The following RAB32 variants were observed in gnomAD, a reference collection of about 807,000 sequenced individuals.
The protein encoded by RAB32 is ras-related protein Rab-32.
RAB32 carries 17 observed loss-of-function variants against 17.5 expected under a neutral mutation model. The ratio of observed to expected loss-of-function variants is 0.97; its 90% CI spans 0.67 to 1.46. The LOEUF (loss-of-function observed/expected upper bound fraction) is 1.46, where lower values mean the gene tolerates loss of function less well. RAB32 is among the 40% of genes most tolerant of loss of function. RAB32 has a pLI of 0.00. For synonymous variants in RAB32, 115 were observed against 111.1 expected, an observed-to-expected ratio of 1.04 and a Z score of -0.22; for missense variants, 288 against 284.3, an observed-to-expected ratio of 1.01 and a Z score of -0.09.
chr6:146,548,837 A>G (rs989281332), intron 1 of RAB32, among the ~76,000 whole-genome samples: 1 of 152,246 alleles, frequency 6.6e-6, no homozygotes, highest in African/African-American at 2.4e-5. Context: ...GTACAATGAC[A>G]TTTGAAGAAC....
chr6:146,549,798 A>G (rs899532232), intron 2 of RAB32, 57 bp downstream of exon 2: 275 of 1,539,278 alleles, frequency 1.8e-4, no homozygotes, highest in Non-Finnish European at 2.2e-4. Flanking sequence ...TCTGAGCTGT[A>G]AATGTAAAGT....
At chr6:146,549,371 C>A in intron 1 of RAB32, 93 bp from the exon 2 acceptor site, 1 of 985,886 alleles carries the variant, frequency 1.0e-6, no homozygotes, top group Non-Finnish European at 1.5e-6. Flanking sequence ...GACATTTGTT[C>A]ATAGTGTTGC....
intron 2 of RAB32, among the ~76,000 whole-genome samples, chr6:146,553,508 C>T (rs570777472): frequency 6.6e-6 from 1 of 152,186 alleles, no homozygotes; most frequent in Non-Finnish European, 1.5e-5. Context: ...GGCCAGTGCT[C>T]TCTGAGAGTG....
intron 2 of RAB32, among the ~76,000 whole-genome samples, chr6:146,553,591 T>C (rs1779923148): frequency 6.6e-6 from 1 of 152,126 alleles, no homozygotes; most frequent in South Asian, 2.1e-4. Context: ...AACAGTGAAA[T>C]ATAGCTTATG....
At chr6:146,551,711 A>T (rs1779901278) in intron 2 of RAB32, among the ~76,000 whole-genome samples, 1 of 152,174 alleles carries the variant, frequency 6.6e-6, no homozygotes, top group African/African-American at 2.4e-5. Flanking sequence ...TCAGATAGTA[A>T]ATCCAGATTT....
At chr6:146,548,107 A>G (rs1779846270) in intron 1 of RAB32, among the ~76,000 whole-genome samples, 2 of 152,200 alleles carry the variant, frequency 1.3e-5, no homozygotes, top group Admixed American at 1.3e-4. Flanking sequence ...TTATGAGCCA[A>G]TGAACTATAT....
At position 146,547,646 on chromosome 6, in the gene RAB32, CT is replaced by C. The variant is rs1158175178; in HGVS notation, c.251-1810del. Among the ~76,000 whole-genome samples, 7 of 143,584 alleles carry C rather than the reference CT, an allele frequency of 4.9e-5. No homozygotes were observed. The South Asian group carries it at 6.7e-4, about 14-fold the overall frequency. 94.2% of individuals were successfully genotyped at this position (143,584 alleles called of 152,430 possible). A position where few individuals can be genotyped will look rare whatever the true frequency, so the allele number is the denominator to read the frequency against. On this transcript the variant is annotated intron_variant, in intron 1 of 2. Coordinates refer to ENST00000367495, the MANE Select transcript of RAB32 (RefSeq NM_006834.5). The stretch of plus-strand genomic sequence containing the variant: ...AGTATACCTAGTAATATCCCTTTGT[CT>C]TTTTTTTCACAACTCTCCTATCATC...
intron 2 of RAB32, among the ~76,000 whole-genome samples, chr6:146,551,379 C>T (rs1322152973): frequency 6.6e-6 from 1 of 152,100 alleles, no homozygotes; most frequent in African/African-American, 2.4e-5. Context: ...CATGTGCCAC[C>T]ATGCCCAGCT....
Position 146,549,461 on chromosome 6 carries a change from T to C in RAB32, c.251-3T>C, listed in dbSNP as rs370380853. The C allele has an allele frequency of 4.4e-5, 71 of 1,611,346 alleles. No homozygotes were observed. Among genetic ancestry groups the C allele is most frequent in the Non-Finnish European group, 5.6e-5 (66 of 1,178,830 alleles). On this transcript the variant is annotated splice_region_variant and splice_polypyrimidine_tract_variant and intron_variant, in intron 1 of 2. Coordinates refer to ENST00000367495, the MANE Select transcript of RAB32 (RefSeq NM_006834.5). ...TTTAATTTTTTCTTATATTTATGTC[T>C]AGGGCAGGAGCGATTTGGCAACATG...
intron 1 of RAB32, among the ~76,000 whole-genome samples, chr6:146,549,175 C>T (rs144336384): frequency 2.5e-4 from 38 of 152,246 alleles, no homozygotes; most frequent in Admixed American, 5.2e-4. Context: ...GGAGACGAGT[C>T]GGAATAAATG....
chr6:146,547,320 A>G (rs1421552789), intron 1 of RAB32, among the ~76,000 whole-genome samples: 2 of 152,070 alleles, frequency 1.3e-5, no homozygotes, highest in Non-Finnish European at 1.5e-5. Flanking sequence ...TTAAAAAAAC[A>G]AGTTTGTCCA....
chr6:146,550,274 TTTC>T (rs1241093785), intron 2 of RAB32, among the ~76,000 whole-genome samples: 7 of 152,332 alleles, frequency 4.6e-5, no homozygotes, highest in Non-Finnish European at 5.9e-5. Flanking sequence ...GTGAGAATTT[TTTC>T]TTTTGTCTAT....
At chr6:146,551,863 C>G (rs1441392934) in intron 2 of RAB32, among the ~76,000 whole-genome samples, 2 of 152,146 alleles carry the variant, frequency 1.3e-5, no homozygotes. Context: ...TTGCTCTGTG[C>G]TTCCATACAA....
At chr6:146,544,520 C>T (rs1397240296) in intron 1 of RAB32, among the ~76,000 whole-genome samples, 1 of 152,078 alleles carries the variant, frequency 6.6e-6, no homozygotes, top group South Asian at 2.1e-4. Context: ...TGACTTAACC[C>T]GAAGCTGCAC....
Position 146,553,171 on chromosome 6 carries a change from C to T in RAB32, c.529-1285C>T, listed in dbSNP as rs1779917065. 2.0e-5 allele frequency among the ~76,000 whole-genome samples: 3 copies of T among 151,926 alleles called. No homozygotes were observed. The South Asian group carries it at 6.2e-4, about 32-fold the overall frequency. On this transcript the variant is annotated intron_variant, in intron 2 of 2. Transcript: ENST00000367495. ...GGAACCTCTTTCTAACAGTAGAATT[C>T]CAGCTAATAAATGTAGAAGGAATGG... is the stretch of plus-strand genomic sequence containing the variant.
At chr6:146,546,782 G>GTTTTTTTTTTTT (rs962778741) in intron 1 of RAB32, among the ~76,000 whole-genome samples, 1 of 118,488 alleles carries the variant, frequency 8.4e-6, no homozygotes, top group African/African-American at 3.5e-5. Context: ...TACTAGTTAG[G>GTTTTTTTTTTTT]TTTTTTTTTT....
Position 146,543,864 on chromosome 6 carries a change from C to CA in RAB32, c.-7dup, listed in dbSNP as rs755196823. On this transcript the variant is annotated 5_prime_UTR_variant, in exon 1 of 3. Coordinates refer to ENST00000367495, the MANE Select transcript of RAB32 (RefSeq NM_006834.5). ...GGAGTCGAGGCGCGCCCGACAGCCG[C>CA]AGCGCTCATGGCGGGCGGAGGAGCC... 250 of 1,439,814 alleles carry CA rather than the reference C, an allele frequency of 1.7e-4. No homozygotes were observed. The highest frequency in any genetic ancestry group is 2.2e-4 in the Non-Finnish European group (246 of 1,099,090). 89.2% of individuals were successfully genotyped at this position (1,439,814 alleles called of 1,614,324 possible).
At chr6:146,548,552 C>T (rs1481954598) in intron 1 of RAB32, among the ~76,000 whole-genome samples, 2 of 152,136 alleles carry the variant, frequency 1.3e-5, no homozygotes, top group African/African-American at 4.8e-5. Context: ...TAAGTCAAGG[C>T]AACTGCAAGA....
At chr6:146,550,712 A>T (rs1318191854) in intron 2 of RAB32, among the ~76,000 whole-genome samples, 1 of 130,686 alleles carries the variant, frequency 7.7e-6, no homozygotes. Flanking sequence ...AATTATACAT[A>T]TATAAAATGT....
Sources: gnomAD v4.1 joint callset for allele counts (sites outside exome capture counted in the v4.1 genomes callset) on GRCh38, gnomAD v4.1.1 for gene constraint, MANE v1.5 for transcripts, NCBI Gene and HGNC (gene_info 2026-07-23, HGNC 2026-07-21) for gene names.